TWF2: variants seen among roughly 807,000 people sequenced by gnomAD.
TWF2 encodes twinfilin actin binding protein 2.
In TWF2, 15 loss-of-function variants were observed where a neutral mutation model predicts 45.1. The observed-to-expected ratio is 0.33, with a 90% CI of 0.22 to 0.51. The LOEUF (loss-of-function observed/expected upper bound fraction) is 0.51, where lower values mean the gene tolerates loss of function less well. Ranked by LOEUF, TWF2 falls within the 20% of genes least tolerant of loss-of-function variation. TWF2 has a pLI of 0.97. For synonymous variants in TWF2, 177 were observed against 195.8 expected, an observed-to-expected ratio of 0.90 and a Z score of 0.80; for missense variants, 423 against 469.1, an observed-to-expected ratio of 0.90 and a Z score of 0.91.
Position 52,228,862 on chromosome 3 carries a change from A to G in TWF2, c.*172T>C. On this transcript the variant is annotated 3_prime_UTR_variant, in exon 9 of 9. Coordinates refer to ENST00000305533, the MANE Select transcript of TWF2 (RefSeq NM_007284.4). ...ACGAGATGCAGGGACAGCAACAGGG[A>G]AGGGTCACAAAATGCCAGCCCGGTG... is the stretch of plus-strand genomic sequence containing the variant. 1 of 955,476 alleles carries G rather than the reference A, an allele frequency of 1.0e-6. No individual in the cohort carries two copies. The highest frequency in any genetic ancestry group is 1.5e-6 in the Non-Finnish European group (1 of 662,604). 59.2% of individuals were successfully genotyped at this position (955,476 alleles called of 1,614,324 possible).
chr3:52,229,680 T>C lies in TWF2; in HGVS notation c.863A>G (p.His288Arg), dbSNP rs147578749. The change falls in exon 8 of 9, where the codon CAT (histidine) becomes CGT (arginine). Residue 288 changes from histidine to arginine, a missense_variant. Transcript: ENST00000305533. ...GCCTACTTTCTTGGCGATCTCCAGA[T>C]GGAAGTCCTGCTCCACGGAGTCGAG... Reference protein sequence around the residue: ...RLLDSVEQDFHLEIAKKIEIG... With the variant: ...RLLDSVEQDFRLEIAKKIEIG... The C allele has an allele frequency of 1.2e-6, 2 of 1,613,370 alleles. No homozygotes were observed. Among genetic ancestry groups the C allele is most frequent in the African/African-American group, 2.7e-5 (2 of 74,920 alleles).
At chr3:52,231,090 T>C (rs1398859637) in intron 5 of TWF2, 37 bp downstream of exon 5, 2 of 1,613,666 alleles carry the variant, frequency 1.2e-6, no homozygotes, top group Non-Finnish European at 1.7e-6. Context: ...GATATGACCC[T>C]GAGGGCTCAA....
At chr3:52,233,031 C>T (rs1049406651) in intron 2 of TWF2, among the ~76,000 whole-genome samples, 8 of 152,192 alleles carry the variant, frequency 5.3e-5, no homozygotes, top group Non-Finnish European at 1.0e-4. Flanking sequence ...AAGAAAATGT[C>T]GCAGATCCAA....
chr3:52,233,913 CAAAAA>C, intron 2 of TWF2, among the ~76,000 whole-genome samples: 1 of 74,238 alleles, frequency 1.3e-5, no homozygotes, highest in Non-Finnish European at 2.6e-5. Flanking sequence ...AACTCCGTCT[CAAAAA>C]AAAAAAAAAA....
In TWF2 at chr3:52,231,947, G is replaced by A; in HGVS notation, c.279C>T (p.Ser93=). 3.7e-6 allele frequency: 6 copies of A among 1,612,498 alleles called. No homozygotes were observed. Among genetic ancestry groups the A allele is most frequent in the Non-Finnish European group, 5.1e-6 (6 of 1,179,010 alleles). ...TTCCCACTGGCCCAGGACTCACGGGGGAGTTATCAGGCGACCAGGCGAGGA... is the reference window on the plus strand; with the variant it reads ...TTCCCACTGGCCCAGGACTCACGGGAGAGTTATCAGGCGACCAGGCGAGGA... ...WLFLAWSPDN[S]PVRLKMLYAA... Residue 93 remains serine, a synonymous_variant, in exon 3 of 9, where the codon TCC becomes TCT. Transcript: ENST00000305533.
At chr3:52,232,540 C>T (rs1443387145) in intron 2 of TWF2, among the ~76,000 whole-genome samples, 4 of 152,102 alleles carry the variant, frequency 2.6e-5, no homozygotes, top group Non-Finnish European at 4.4e-5. Context: ...TCCCCTGGGG[C>T]TCCAGCAGAA....
At chr3:52,229,866 C>T in intron 7 of TWF2, 54 bp downstream of exon 7, 2 of 1,594,656 alleles carry the variant, frequency 1.3e-6, no homozygotes, top group African/African-American at 1.3e-5. Context: ...CCACTGCAGA[C>T]CAGCCCTGCT....
chr3:52,229,123 G>C lies in TWF2; in HGVS notation c.961C>G (p.Gln321Glu). 6.2e-7 allele frequency: 1 copy of C among 1,613,642 alleles called. No individual in the cohort carries two copies. The change falls in exon 9 of 9, where the codon CAG becomes GAG. Residue 321 changes from glutamine (Q) to glutamate (E), a missense_variant. Transcript: ENST00000305533. ...EVHPKQHAFK[Q>E]AFAKPKGPGG... Reference sequence around the variant, plus strand: ...GGGCCCTTGGGCTTGGCGAAGGCCTGCTTGAAGGCGTGTTGCTTGGGGTGC... The same window carrying C: ...GGGCCCTTGGGCTTGGCGAAGGCCTCCTTGAAGGCGTGTTGCTTGGGGTGC...
chr3:52,230,846 C>T, intron 6 of TWF2, 24 bp downstream of exon 6: 1 of 1,607,142 alleles, frequency 6.2e-7, no homozygotes, highest in South Asian at 1.1e-5. Flanking sequence ...GCAGCATGTG[C>T]CAGGGTAGGG....
In TWF2 at chr3:52,232,256, G is replaced by C. The variant is rs1699685793; in HGVS notation, c.104-134C>G. On this transcript the variant is annotated intron_variant, in intron 2 of 8. Transcript: ENST00000305533. ...CCCTCACCTTCCCTGGAGCCCCCAG[G>C]TCCCAGAAGTGTGAGGCTGTGTGGC... 14 of 1,159,508 alleles carry C rather than the reference G, an allele frequency of 1.2e-5. No individual in the cohort carries two copies. The East Asian group carries it at 3.7e-4, about 30-fold the overall frequency. The allele number at this position is 1,159,508 out of a possible 1,614,324, so 71.8% of individuals were successfully genotyped here.
chr3:52,230,787 G>A, intron 6 of TWF2, 83 bp downstream of exon 6: 1 of 1,509,820 alleles, frequency 6.6e-7, no homozygotes, highest in Non-Finnish European at 8.9e-7. Context: ...GGTGGAGTGG[G>A]GACTCCATGT....
intron 2 of TWF2, among the ~76,000 whole-genome samples, chr3:52,232,544 A>C (rs1699689382): frequency 1.3e-5 from 2 of 152,094 alleles, no homozygotes; most frequent in Non-Finnish European, 2.9e-5. Context: ...CTGGGGCTCC[A>C]GCAGAAGAAC....
chr3:52,233,869 A>G (rs3852062), intron 2 of TWF2, among the ~76,000 whole-genome samples: 26,189 of 146,290 alleles, frequency 0.18, 2,886 homozygotes, highest in African/African-American at 0.3. Flanking sequence ...AGCTGAGATC[A>G]CACCACTACA....
At chr3:52,231,364 A>G in intron 4 of TWF2, 80 bp downstream of exon 4, 1 of 1,582,634 alleles carries the variant, frequency 6.3e-7, no homozygotes. Context: ...AGCTGGCACT[A>G]GCTTGCTCTC....
Position 52,230,918 on chromosome 3 carries a change from C to T in TWF2, c.561G>A (p.Gln187=). The change falls in exon 6 of 9, where the codon CAG becomes CAA. Residue 187 remains glutamine (Q), a synonymous_variant. Coordinates refer to ENST00000305533, the MANE Select transcript of TWF2 (RefSeq NM_007284.4). ...TCTGCTTGAGCTGCTGGAGTGCCCG[C>T]TGGGCCTCAGGCTGCAGGGGGAAGG... The part of the protein sequence containing the change: ...GLAFPLQPEA[Q]RALQQLKQKM... 1 of 1,608,520 alleles carries T rather than the reference C, an allele frequency of 6.2e-7. No individual in the cohort carries two copies. Among genetic ancestry groups the T allele is most frequent in the Non-Finnish European group, 8.5e-7 (1 of 1,177,450 alleles).
At chr3:52,238,233 T>G (rs1699745387) in intron 1 of TWF2, among the ~76,000 whole-genome samples, 1 of 152,180 alleles carries the variant, frequency 6.6e-6, no homozygotes. Flanking sequence ...AGCTGGGATC[T>G]TCCAACCAGA....
At position 52,238,927 on chromosome 3, in the gene TWF2, G is replaced by GC. The variant is rs903185516; in HGVS notation, c.25+64dup. On this transcript the variant is annotated intron_variant, in intron 1 of 8. Transcript: ENST00000305533. ...TGTGGGGTGGAGGGAGGGGCCGAGAGCCGGGGGGGGGCGCTTCCGAGAGCC... is the reference window on the plus strand; with the variant it reads ...TGTGGGGTGGAGGGAGGGGCCGAGAGCCCGGGGGGGGGCGCTTCCGAGAGCC... 6 of 1,204,552 alleles carry GC rather than the reference G, an allele frequency of 5.0e-6. No homozygotes were observed. In the African/African-American group the frequency reaches 9.8e-5, roughly 20 times the overall value. 74.6% of individuals were successfully genotyped at this position (1,204,552 alleles called of 1,614,324 possible). A position where few individuals can be genotyped will look rare whatever the true frequency, so the allele number is the denominator to read the frequency against.
Position 52,230,036 on chromosome 3 carries a change from A to C in TWF2, c.644T>G (p.Val215Gly). ...GGCCACATCCGTGGGCTCTGTGTGC[A>C]CCAGCTCAATGGTTTCCCGCTCTAG... ...LDLERETIEL[V>G]HTEPTDVAQL... is the part of the protein sequence containing the mutation. Residue 215 changes from valine (V) to glycine (G), a missense_variant, in exon 7 of 9, where the codon GTG becomes GGG. Physicochemically the swap from Val to Gly is moderately radical, Grantham distance 109. Transcript: ENST00000305533. 6.2e-7 allele frequency: 1 copy of C among 1,607,766 alleles called. No individual in the cohort carries two copies. Among genetic ancestry groups the C allele is most frequent in the Non-Finnish European group, 8.5e-7 (1 of 1,178,566 alleles).
At chr3:52,231,402 G>A (rs764997791) in intron 4 of TWF2, 42 bp downstream of exon 4, 1 of 1,604,088 alleles carries the variant, frequency 6.2e-7, no homozygotes, top group Admixed American at 1.7e-5. Flanking sequence ...CCCTCTCTGT[G>A]GGCCCAGGAT....
Sources: gnomAD v4.1 joint callset for allele counts (sites outside exome capture counted in the v4.1 genomes callset) on GRCh38, gnomAD v4.1.1 for gene constraint, MANE v1.5 for transcripts, NCBI Gene and HGNC (gene_info 2026-07-23, HGNC 2026-07-21) for gene names.